The following MACROD2 variants were observed in gnomAD, a reference collection of about 807,000 sequenced individuals.
MACROD2 encodes the protein mono-ADP ribosylhydrolase 2.
Under a neutral mutation model 70.4 loss-of-function variants are expected in MACROD2, and 36 were observed. That is an observed-to-expected ratio of 0.51 (90% CI 0.39 to 0.68). MACROD2 has a LOEUF of 0.68. MACROD2 is among the 30% of genes least tolerant of loss of function. The pLI is 0.00. For missense variants in MACROD2, 496 were observed against 538.4 expected, an observed-to-expected ratio of 0.92 and a Z score of 0.78; for synonymous variants, 172 against 178.8, an observed-to-expected ratio of 0.96 and a Z score of 0.30.
intron 8 of MACROD2, among the ~76,000 whole-genome samples, chr20:15,742,543 A>G (rs1244832216): frequency 6.6e-6 from 1 of 152,198 alleles, no homozygotes; most frequent in Admixed American, 6.5e-5. Context: ...GAAGAAATTC[A>G]TTATCCAGCA....
At chr20:15,669,023 T>C (rs117329270) in intron 8 of MACROD2, among the ~76,000 whole-genome samples, 1,689 of 152,238 alleles carry the variant, frequency 0.011, 15 homozygotes, top group East Asian at 0.026. Flanking sequence ...AGGAAAGAAA[T>C]TTAGAGAAAC....
chr20:14,754,126 A>G (rs186158597), intron 5 of MACROD2, among the ~76,000 whole-genome samples: 1 of 152,228 alleles, frequency 6.6e-6, no homozygotes, highest in Admixed American at 6.5e-5. Context: ...TGTTTTTTAT[A>G]TTTCTAGTTA....
chr20:15,773,975 A>T (rs2051678598), intron 8 of MACROD2, among the ~76,000 whole-genome samples: 1 of 152,186 alleles, frequency 6.6e-6, no homozygotes, highest in Admixed American at 6.5e-5. Context: ...ATCAAAGAAA[A>T]GCAATATTGA....
intron 5 of MACROD2, among the ~76,000 whole-genome samples, chr20:14,725,713 C>A (rs1013898699): frequency 6.6e-6 from 1 of 152,066 alleles, no homozygotes; most frequent in Non-Finnish European, 1.5e-5. Context: ...CTGGTGACCG[C>A]TGGGAAACAA....
chr20:14,014,967 AT>A (rs61499812), intron 2 of MACROD2, among the ~76,000 whole-genome samples: 75,255 of 113,100 alleles, frequency 0.67, 23,662 homozygotes, highest in African/African-American at 0.72. Context: ...TGCCCAGCAA[AT>A]TTTTTTTTTT....
intron 2 of MACROD2, among the ~76,000 whole-genome samples, chr20:14,026,325 G>A (rs754547675): frequency 6.6e-6 from 1 of 152,082 alleles, no homozygotes; most frequent in Non-Finnish European, 1.5e-5. Context: ...TTTAATCGGG[G>A]CATTTAGCCT....
intron 3 of MACROD2, among the ~76,000 whole-genome samples, chr20:14,475,165 G>C (rs892667096): frequency 6.6e-6 from 1 of 151,682 alleles, no homozygotes. Flanking sequence ...CTTGCATAAA[G>C]CATCTTACAG....
At chr20:15,952,137 G>GCTC (rs144129035) in intron 12 of MACROD2, among the ~76,000 whole-genome samples, 23,894 of 152,046 alleles carry the variant, frequency 0.16, 1,969 homozygotes, top group South Asian at 0.28. Flanking sequence ...GATGTCACTT[G>GCTC]CTCCTCCTTG....
At chr20:14,889,573 C>G (rs191987460) in intron 5 of MACROD2, among the ~76,000 whole-genome samples, 1 of 152,166 alleles carries the variant, frequency 6.6e-6, no homozygotes, top group Admixed American at 6.5e-5. Flanking sequence ...GGGAAAGATC[C>G]TATCCGGCAT....
At chr20:14,592,486 T>C (rs901249485) in intron 4 of MACROD2, among the ~76,000 whole-genome samples, 1 of 152,144 alleles carries the variant, frequency 6.6e-6, no homozygotes, top group Non-Finnish European at 1.5e-5. Flanking sequence ...TGCAGTGGCG[T>C]GATTACAGCT....
chr20:15,970,031 A>T (rs2066206410), intron 13 of MACROD2, among the ~76,000 whole-genome samples: 1 of 152,166 alleles, frequency 6.6e-6, no homozygotes, highest in Non-Finnish European at 1.5e-5. Flanking sequence ...ATCTTCAAGC[A>T]CTTGGACTGA....
At chr20:15,638,614 CTTAA>C (rs1411674551) in intron 8 of MACROD2, among the ~76,000 whole-genome samples, 3 of 152,144 alleles carry the variant, frequency 2.0e-5, no homozygotes, top group African/African-American at 7.2e-5. Flanking sequence ...CCTCTAGGAA[CTTAA>C]TTAAGTTCCT....
At chr20:15,526,809 T>C (rs56753187) in intron 8 of MACROD2, among the ~76,000 whole-genome samples, 1,793 of 152,304 alleles carry the variant, frequency 0.012, 41 homozygotes, top group African/African-American at 0.041. Flanking sequence ...GAGGATGCCC[T>C]TCTTTCCTAA....
chr20:14,960,624 C>G (rs1202831366), intron 5 of MACROD2, among the ~76,000 whole-genome samples: 1 of 152,112 alleles, frequency 6.6e-6, no homozygotes, highest in Admixed American at 6.5e-5. Context: ...CAGCCTAGAT[C>G]CAACTATGAT....
chr20:14,575,017 C>CAAAAAAAAA lies in MACROD2; in HGVS notation c.301+81526_301+81534dup, dbSNP rs1195216470. ...TGGGCGACAGAGCGAGACTCTGTCTCAAAAAAAAAAAAAAAAAAAAAAAAA... is the reference window on the plus strand; with the variant it reads ...TGGGCGACAGAGCGAGACTCTGTCTCAAAAAAAAAAAAAAAAAAAAAAAAAAAAAAAAAA... On this transcript the variant is annotated intron_variant, in intron 4 of 17. Coordinates refer to ENST00000684519, the MANE Select transcript of MACROD2 (RefSeq NM_001351661.2). Among the ~76,000 whole-genome samples the CAAAAAAAAA allele has an allele frequency of 9.0e-4, 45 of 49,866 alleles. 1 individual carries two copies. The highest frequency in any genetic ancestry group is 3.3e-3 in the African/African-American group (45 of 13,678). 32.7% of individuals were successfully genotyped at this position (49,866 alleles called of 152,430 possible). A position where few individuals can be genotyped will look rare whatever the true frequency, so the allele number is the denominator to read the frequency against.
chr20:14,840,446 A>G (rs2073075344), intron 5 of MACROD2, among the ~76,000 whole-genome samples: 1 of 152,080 alleles, frequency 6.6e-6, no homozygotes, highest in Non-Finnish European at 1.5e-5. Flanking sequence ...CATGTTGCCC[A>G]GGCTGGTCTT....
chr20:15,877,164 T>A (rs2064687483), intron 9 of MACROD2, among the ~76,000 whole-genome samples: 1 of 152,134 alleles, frequency 6.6e-6, no homozygotes, highest in African/African-American at 2.4e-5. Flanking sequence ...TCTGTGTCCA[T>A]CCCAGCCCTC....
At chr20:15,787,227 C>T (rs1316372166) in intron 8 of MACROD2, among the ~76,000 whole-genome samples, 1 of 152,224 alleles carries the variant, frequency 6.6e-6, no homozygotes, top group African/African-American at 2.4e-5. Flanking sequence ...CTGCCTCGGC[C>T]TCCCAAAGTG....
intron 3 of MACROD2, among the ~76,000 whole-genome samples, chr20:14,216,196 G>A (rs2081621283): frequency 6.6e-6 from 1 of 152,074 alleles, no homozygotes; most frequent in South Asian, 2.1e-4. Flanking sequence ...GGTGAGAGAT[G>A]AGGATCCAGT....
Sources: gnomAD v4.1 joint callset for allele counts (sites outside exome capture counted in the v4.1 genomes callset) on GRCh38, gnomAD v4.1.1 for gene constraint, MANE v1.5 for transcripts, NCBI Gene and HGNC (gene_info 2026-07-23, HGNC 2026-07-21) for gene names.